ORC5: variants seen among roughly 807,000 people sequenced by gnomAD.
ORC5 encodes protein phosphatase 1, regulatory subunit 117.
Under a neutral mutation model 58.8 loss-of-function variants are expected in ORC5, and 39 were observed. That is an observed-to-expected ratio of 0.66 (90% CI 0.51 to 0.87). The LOEUF (loss-of-function observed/expected upper bound fraction) is 0.87, where lower values mean the gene tolerates loss of function less well. ORC5 is among the 40% of genes least tolerant of loss of function. The pLI is 0.00. For synonymous variants in ORC5, 218 were observed against 177.6 expected, an observed-to-expected ratio of 1.23 and a Z score of -1.81; for missense variants, 493 against 506.3, an observed-to-expected ratio of 0.97 and a Z score of 0.25.
intron 6 of ORC5, among the ~76,000 whole-genome samples, chr7:104,185,654 A>G (rs988367237): frequency 5.9e-5 from 9 of 152,150 alleles, no homozygotes; most frequent in African/African-American, 2.2e-4. Context: ...TCTCTCTAGA[A>G]ACTCTATGTA....
intron 4 of ORC5, 143 bp downstream of exon 4, chr7:104,197,582 C>A: frequency 1.9e-6 from 1 of 532,156 alleles, no homozygotes; most frequent in Non-Finnish European, 3.3e-6. Context: ...GAAAAAAACA[C>A]TGAGCTTTAC....
At chr7:104,128,174 G>A (rs961845594) in intron 13 of ORC5, among the ~76,000 whole-genome samples, 2 of 152,158 alleles carry the variant, frequency 1.3e-5, no homozygotes, top group Admixed American at 6.5e-5. Flanking sequence ...CCAGGCTGGA[G>A]TGCAATAGCA....
chr7:104,144,056 T>C (rs1798716543), intron 12 of ORC5, among the ~76,000 whole-genome samples: 1 of 151,990 alleles, frequency 6.6e-6, no homozygotes, highest in East Asian at 1.9e-4. Context: ...GGGGTGGAGG[T>C]TGCAGTGAGC....
chr7:104,189,263 T>C (rs1207350436), intron 5 of ORC5, among the ~76,000 whole-genome samples: 2 of 151,398 alleles, frequency 1.3e-5, no homozygotes, highest in East Asian at 1.9e-4. Flanking sequence ...TCAGGAAACT[T>C]ACAATCATGG....
chr7:104,198,816 A>G (rs887879259), intron 3 of ORC5, among the ~76,000 whole-genome samples: 4 of 152,210 alleles, frequency 2.6e-5, no homozygotes, highest in Non-Finnish European at 5.9e-5. Context: ...AGCCCATCCC[A>G]TTACAGGCCC....
intron 12 of ORC5, among the ~76,000 whole-genome samples, chr7:104,156,947 A>G (rs894414423): frequency 6.6e-6 from 1 of 151,914 alleles, no homozygotes; most frequent in African/African-American, 2.4e-5. Flanking sequence ...GCTCATCTTA[A>G]AGCCAGAATG....
At chr7:104,181,328 T>C (rs75405259) in intron 8 of ORC5, among the ~76,000 whole-genome samples, 4,328 of 152,278 alleles carry the variant, frequency 0.028, 183 homozygotes, top group African/African-American at 0.099. Context: ...TTTCTCCCCA[T>C]TTCATTCCTC....
chr7:104,203,900 G>A (rs1406675115), intron 2 of ORC5, among the ~76,000 whole-genome samples: 1 of 152,192 alleles, frequency 6.6e-6, no homozygotes, highest in African/African-American at 2.4e-5. Flanking sequence ...ACAATGTGAA[G>A]CAACAGACTA....
At chr7:104,204,301 T>A in intron 1 of ORC5, 67 bp from the exon 2 acceptor site, 1 of 916,296 alleles carries the variant, frequency 1.1e-6, no homozygotes, top group Non-Finnish European at 1.7e-6. Context: ...TATCAACTTG[T>A]GAGAAAGTTG....
chr7:104,145,502 C>T (rs967437075), intron 12 of ORC5, among the ~76,000 whole-genome samples: 1 of 151,926 alleles, frequency 6.6e-6, no homozygotes, highest in African/African-American at 2.4e-5. Flanking sequence ...TTACAGAAGG[C>T]TTCTCATTCA....
At chr7:104,189,449 C>T (rs778111252) in intron 5 of ORC5, among the ~76,000 whole-genome samples, 4 of 151,926 alleles carry the variant, frequency 2.6e-5, no homozygotes, top group Non-Finnish European at 2.9e-5. Context: ...GTGGGGATTA[C>T]GGGATTATAA....
At position 104,200,616 on chromosome 7, in the gene ORC5, T is replaced by C. The variant is rs1412756711; in HGVS notation, c.366+142A>G. The C allele has an allele frequency of 6.6e-6, 4 of 610,422 alleles. No homozygotes were observed. The Admixed American group carries it at 9.1e-5, about 14-fold the overall frequency. 37.8% of individuals were successfully genotyped at this position (610,422 alleles called of 1,614,324 possible). On this transcript the variant is annotated intron_variant, in intron 3 of 13. Coordinates refer to ENST00000297431, the MANE Select transcript of ORC5 (RefSeq NM_002553.4). ...TGAAGCTTCCCTTGGATAAGGAATA[T>C]ATTTAATACATTTCTGTATACTAAA...
intron 12 of ORC5, 108 bp from the exon 13 acceptor site, chr7:104,137,001 AC>A (rs1403269018): frequency 2.4e-5 from 17 of 716,458 alleles, no homozygotes; most frequent in Admixed American, 5.3e-5. Flanking sequence ...ATCACAAAAA[AC>A]GTCTGCAAAG....
intron 8 of ORC5, among the ~76,000 whole-genome samples, chr7:104,173,646 C>A (rs1043886836): frequency 5.9e-5 from 9 of 152,166 alleles, no homozygotes; most frequent in Non-Finnish European, 1.3e-4. Flanking sequence ...GCCTTGCAAT[C>A]CTCTTGGGAT....
At chr7:104,163,599 G>A (rs765046812) in intron 11 of ORC5, among the ~76,000 whole-genome samples, 10 of 152,146 alleles carry the variant, frequency 6.6e-5, no homozygotes, top group South Asian at 2.1e-4. Context: ...CCATTCTCCC[G>A]CCTCAGCCTC....
At position 104,129,741 on chromosome 7, in the gene ORC5, A is replaced by G. The variant is rs1798486312; in HGVS notation, c.1263-2848T>C. Among the ~76,000 whole-genome samples the G allele has an allele frequency of 6.6e-6, 1 of 152,184 alleles. No homozygotes were observed. Among genetic ancestry groups the G allele is most frequent in the Admixed American group, 6.5e-5 (1 of 15,282 alleles). The stretch of plus-strand genomic sequence containing the variant: ...TGCATATTATAGTCACGTAAGTATA[A>G]TTTTAAACTTTGGGATAACTTTCAA... On this transcript the variant is annotated intron_variant, in intron 13 of 13. Transcript: ENST00000297431. This position sits in a 1 kb window ranked among gnomAD's most constrained non-coding sequence, Gnocchi z 4.9.
At chr7:104,200,699 A>C in intron 3 of ORC5, 59 bp downstream of exon 3, 1 of 1,054,816 alleles carries the variant, frequency 9.5e-7, no homozygotes, top group South Asian at 1.4e-5. Flanking sequence ...ATGAAAATTG[A>C]TCTAATAAAT....
intron 2 of ORC5, among the ~76,000 whole-genome samples, chr7:104,203,817 G>A (rs966068117): frequency 6.6e-6 from 1 of 151,620 alleles, no homozygotes; most frequent in African/African-American, 2.4e-5. Flanking sequence ...GAAATACATG[G>A]AAAAAAAACA....
At position 104,138,710 on chromosome 7, in the gene ORC5, C is replaced by A. The variant is rs1269814806; in HGVS notation, c.1150-1817G>T. Among the ~76,000 whole-genome samples, 1 of 152,098 alleles carries A rather than the reference C, an allele frequency of 6.6e-6. No individual in the cohort carries two copies. Among genetic ancestry groups the A allele is most frequent in the Non-Finnish European group, 1.5e-5 (1 of 68,022 alleles). ...TATTTTTTGTAGACATGGGGTTTTG[C>A]CATGTTGTCCAGGCTGCTCTTGAGC... On this transcript the variant is annotated intron_variant, in intron 12 of 13. Transcript: ENST00000297431. This position sits in a 1 kb window ranked among gnomAD's most constrained non-coding sequence, Gnocchi z 4.7.
Sources: allele counts gnomAD v4.1 joint callset (sites outside exome capture counted in the v4.1 genomes callset), GRCh38; gene constraint gnomAD v4.1.1; non-coding constraint Gnocchi (gnomAD v3.1); transcripts MANE v1.5; gene names NCBI Gene and HGNC (gene_info 2026-07-23, HGNC 2026-07-21).